ABI3BP: variants seen among roughly 807,000 people sequenced by gnomAD.
ABI3BP encodes ABI family member 3 binding protein, also known as target of Nesh-SH3.
A neutral mutation model predicts 268.6 loss-of-function variants in ABI3BP; 216 were observed. The observed-to-expected ratio is 0.80, with a 90% CI of 0.72 to 0.90. ABI3BP has a LOEUF of 0.90. Among genes scored for constraint, ABI3BP ranks in the 40% least tolerant of loss-of-function variants. The pLI is 0.00. For synonymous variants in ABI3BP, 730 were observed against 730.0 expected, an observed-to-expected ratio of 1.00 and a Z score of 0.00; for missense variants, 2,090 against 2,182.4, an observed-to-expected ratio of 0.96 and a Z score of 0.84.
intron 4 of ABI3BP, among the ~76,000 whole-genome samples, chr3:100,886,683 GC>G (rs756818293): frequency 7.9e-5 from 12 of 151,738 alleles, no homozygotes; most frequent in Non-Finnish European, 1.5e-4. Flanking sequence ...GAACATAGGT[GC>G]CATTTTATAA....
chr3:100,758,398 A>G (rs925544587), intron 63 of ABI3BP, among the ~76,000 whole-genome samples: 5 of 152,206 alleles, frequency 3.3e-5, no homozygotes, highest in Non-Finnish European at 7.3e-5. Flanking sequence ...CATAGTAATA[A>G]GTATTCACTA....
rs180784523 is a variant in ABI3BP at position 100,796,851 on chromosome 3, C to T, written c.3758-383G>A. On this transcript the variant is annotated intron_variant, in intron 51 of 67. Coordinates refer to ENST00000471714, the MANE Select transcript of ABI3BP (RefSeq NM_001375547.2). ...CATGCTTAAAGTCCACTAACAGCAA[C>T]AAAAAATATGTATCTTAGATAAAGT... Among the ~76,000 whole-genome samples the T allele has an allele frequency of 2.7e-3, 417 of 151,780 alleles. 5 individuals carry two copies. The highest frequency in any genetic ancestry group is 9.4e-3 in the African/African-American group (389 of 41,410).
intron 59 of ABI3BP, among the ~76,000 whole-genome samples, chr3:100,776,539 G>A (rs1227345415): frequency 1.3e-5 from 2 of 152,166 alleles, no homozygotes; most frequent in Admixed American, 1.3e-4. Flanking sequence ...GCCCCAGACT[G>A]TGTTCACAGA....
intron 1 of ABI3BP, among the ~76,000 whole-genome samples, chr3:100,967,913 C>G (rs1346355090): frequency 6.6e-6 from 1 of 152,114 alleles, no homozygotes; most frequent in Non-Finnish European, 1.5e-5. Flanking sequence ...ACAATGCATG[C>G]CTATGTGAAA....
intron 20 of ABI3BP, among the ~76,000 whole-genome samples, chr3:100,842,371 G>A (rs1030821415): frequency 1.3e-5 from 2 of 152,120 alleles, no homozygotes; most frequent in African/African-American, 4.8e-5. Flanking sequence ...TTTCTTGCAG[G>A]ACAGCCAGGT....
chr3:100,882,954 G>A (rs1021196050), intron 6 of ABI3BP, among the ~76,000 whole-genome samples: 1 of 152,110 alleles, frequency 6.6e-6, no homozygotes, highest in Non-Finnish European at 1.5e-5. Flanking sequence ...GAGGATGAAA[G>A]AGCAATTCTA....
chr3:100,796,351 GA>G, intron 52 of ABI3BP, 57 bp downstream of exon 52: 2 of 1,336,332 alleles, frequency 1.5e-6, no homozygotes, highest in South Asian at 1.6e-5. Context: ...TTTACTTCAA[GA>G]ATTTTTTTTT....
At chr3:100,970,940 T>C (rs2083337550) in intron 1 of ABI3BP, among the ~76,000 whole-genome samples, 2 of 152,068 alleles carry the variant, frequency 1.3e-5, no homozygotes, top group Admixed American at 1.3e-4. Flanking sequence ...ATGCCAAGAG[T>C]TGTTTTCCTT....
rs72930687 is a variant in ABI3BP, at chr3:100,787,828, T to G, written c.4088-26A>C. On this transcript the variant is annotated intron_variant, in intron 56 of 67. Transcript: ENST00000471714. ...CTAAAATAAAGTGGGATATAAATAG[T>G]TCATTTTCTTATTGAAAGTTTGCAG... is the stretch of plus-strand genomic sequence containing the variant. The G allele has an allele frequency of 9.7e-4, 1,390 of 1,437,682 alleles. 14 individuals carry two copies. The African/African-American group carries it at 0.018, about 18-fold the overall frequency. The allele number at this position is 1,437,682 out of a possible 1,614,324, so 89.1% of individuals were successfully genotyped here.
intron 9 of ABI3BP, among the ~76,000 whole-genome samples, chr3:100,867,773 G>A (rs1253164703): frequency 6.6e-6 from 1 of 151,674 alleles, no homozygotes; most frequent in Non-Finnish European, 1.5e-5. Context: ...AATATTTGTG[G>A]CAAAAAATTT....
chr3:100,921,890 A>G (rs1445822213), intron 2 of ABI3BP, among the ~76,000 whole-genome samples: 1 of 152,248 alleles, frequency 6.6e-6, no homozygotes, highest in Non-Finnish European at 1.5e-5. Flanking sequence ...ATATTTCTGA[A>G]TAATCAACAG....
chr3:100,975,069 A>T (rs1214031863), intron 1 of ABI3BP, among the ~76,000 whole-genome samples: 4 of 152,182 alleles, frequency 2.6e-5, no homozygotes, highest in African/African-American at 9.7e-5. Flanking sequence ...ATTTGATAAG[A>T]GGTTAGTTAT....
Position 100,750,152 on chromosome 3 carries a change from A to G in ABI3BP, c.*343T>C, listed in dbSNP as rs1336079700. Reference sequence around the variant, plus strand: ...AAAGTAAATTTTTTTTAAAAAGTATATACCTTTTTGATGTTAATTTTGTTA... The same window carrying G: ...AAAGTAAATTTTTTTTAAAAAGTATGTACCTTTTTGATGTTAATTTTGTTA... On this transcript the variant is annotated 3_prime_UTR_variant, in exon 68 of 68. Transcript: ENST00000471714. 4.6e-6 allele frequency: 1 copy of G among 218,032 alleles called. No homozygotes were observed. Among genetic ancestry groups the G allele is most frequent in the Non-Finnish European group, 8.9e-6 (1 of 112,374 alleles). 13.5% of individuals were successfully genotyped at this position (218,032 alleles called of 1,614,324 possible).
rs369600553 is a variant in ABI3BP at position 100,794,991 on chromosome 3, G to C, written c.3878C>G (p.Thr1293Arg). 17 of 1,513,610 alleles carry C rather than the reference G, an allele frequency of 1.1e-5. No homozygotes were observed. The highest frequency in any genetic ancestry group is 1.3e-5 in the South Asian group (1 of 76,456). 93.8% of individuals were successfully genotyped at this position (1,513,610 alleles called of 1,614,324 possible). Residue 1293 changes from threonine to arginine, a missense_variant, in exon 54 of 68, where the codon ACA becomes AGA. Transcript: ENST00000471714. ...PPKTTIAPLE[T>R]RGIPFIPMIS... ...CATGGGTATAAAAGGGATGCCTCGT[G>C]TCTCTAGAGGAGCTGCAAAAAGAAA...
rs1488516030 is a variant in ABI3BP at position 100,752,811 on chromosome 3, T to A, written c.5098A>T (p.Ile1700Phe). The A allele has an allele frequency of 6.2e-7, 1 of 1,613,228 alleles. No homozygotes were observed. Among genetic ancestry groups the A allele is most frequent in the Admixed American group, 1.7e-5 (1 of 59,982 alleles). ...CCTGTGAGGGAGTCGCTCAAGTAAATCTTGTATCTGAGAGAGTTGCACAGC... is the reference window on the plus strand; with the variant it reads ...CCTGTGAGGGAGTCGCTCAAGTAAAACTTGTATCTGAGAGAGTTGCACAGC... ...VQLCNSLRYK[I>F]YLSDSLTGKF... is the part of the protein sequence containing the mutation. The change falls in exon 66 of 68, where the codon ATT (isoleucine) becomes TTT (phenylalanine). Residue 1700 changes from isoleucine to phenylalanine, a missense_variant. By Grantham distance (21) the Ile-to-Phe change is conservative (BLOSUM62 0). Coordinates refer to ENST00000471714, the MANE Select transcript of ABI3BP (RefSeq NM_001375547.2).
intron 63 of ABI3BP, among the ~76,000 whole-genome samples, chr3:100,760,568 T>A (rs193135691): frequency 6.6e-6 from 1 of 152,296 alleles, no homozygotes; most frequent in African/African-American, 2.4e-5. Flanking sequence ...TAGTTTTCAG[T>A]TTCAGTTCTC....
rs2152100054 is a variant in ABI3BP at position 100,792,858 on chromosome 3, A to C, written c.3947-90T>G. ...CCCATACTCTTTTCTGTCCCATGCA[A>C]TAATAAAAGGATAAGTTGCATTTAG... is the stretch of plus-strand genomic sequence containing the variant. On this transcript the variant is annotated intron_variant, in intron 54 of 67. Coordinates refer to ENST00000471714, the MANE Select transcript of ABI3BP (RefSeq NM_001375547.2). 7 of 1,066,622 alleles carry C rather than the reference A, an allele frequency of 6.6e-6. No individual in the cohort carries two copies. In the South Asian group the frequency reaches 9.7e-5, roughly 15 times the overall value. 66.1% of individuals were successfully genotyped at this position (1,066,622 alleles called of 1,614,324 possible).
chr3:100,981,931 C>A (rs1226826236), intron 1 of ABI3BP, among the ~76,000 whole-genome samples: 1 of 152,098 alleles, frequency 6.6e-6, no homozygotes, highest in Non-Finnish European at 1.5e-5. Context: ...ATGTATTAGT[C>A]CATTTTCACA....
At chr3:100,847,559 G>A (rs375862892) in intron 19 of ABI3BP, 43 bp downstream of exon 19, 1 of 1,516,406 alleles carries the variant, frequency 6.6e-7, no homozygotes, top group Non-Finnish European at 9.2e-7. Context: ...ATTTTCCATG[G>A]TGAAATGAAG....
Sources: allele counts gnomAD v4.1 joint callset (sites outside exome capture counted in the v4.1 genomes callset), GRCh38; gene constraint gnomAD v4.1.1; transcripts MANE v1.5; gene names NCBI Gene and HGNC (gene_info 2026-07-23, HGNC 2026-07-21).